LRP1: variants seen among roughly 807,000 people sequenced by gnomAD.
LRP1 encodes LDL receptor related protein 1, also known as prolow-density lipoprotein receptor-related protein 1.
In LRP1, 51 loss-of-function variants were observed where a neutral mutation model predicts 541.5. That is an observed-to-expected ratio of 0.09 (90% CI 0.08 to 0.12). The LOEUF is 0.12. Among genes scored for constraint, LRP1 ranks in the 10% least tolerant of loss-of-function variants. The probability of loss-of-function intolerance (pLI) is 1.00; values close to 1 mark genes in which losing one functional copy is unlikely to be tolerated. For missense variants in LRP1, 3,878 were observed against 6,376.2 expected, an observed-to-expected ratio of 0.61 and a Z score of 13.34; for synonymous variants, 2,219 against 2,470.8, an observed-to-expected ratio of 0.90 and a Z score of 3.02.
In LRP1 at chr12:57,183,847, G is replaced by A. The variant is rs200890734; in HGVS notation, c.5867G>A (p.Arg1956His). The A allele has an allele frequency of 1.4e-4, 220 of 1,614,050 alleles. 1 individual carries two copies. The highest frequency in any genetic ancestry group is 1.3e-4 in the Non-Finnish European group (149 of 1,180,048). The change falls in exon 36 of 89, where the codon CGT becomes CAT. Residue 1956 changes from arginine to histidine, a missense_variant. Arg to His is a conservative substitution (Grantham distance 29). Around this residue, in one of 13 missense-constraint regions of LRP1, gnomAD observed 394 missense variants for 635.9 expected, o/e 0.62. Transcript: ENST00000243077. The surrounding 1 kb of genome is among the most constrained non-coding windows in gnomAD (Gnocchi z 6.1). The stretch of plus-strand genomic sequence containing the variant: ...CGGGCCAAGCGGGACCAGACGTGGC[G>A]TGAAGACGTGGTGACCAATGGCATT... ...ISRAKRDQTWREDVVTNGIGR... is the reference protein window; with the variant it reads ...ISRAKRDQTWHEDVVTNGIGR...
In LRP1 at chr12:57,204,620, G is replaced by A. The variant is rs765469810; in HGVS notation, c.11072-7G>A. The stretch of plus-strand genomic sequence containing the variant: ...ATTCTGGCTCTGTGTCCCCCTGGCT[G>A]CTGCAGCCCGGTTCGTGTGCCCTCC... On this transcript the variant is annotated splice_region_variant and splice_polypyrimidine_tract_variant and intron_variant, in intron 71 of 88. Coordinates refer to ENST00000243077, the MANE Select transcript of LRP1 (RefSeq NM_002332.3). This position sits in a 1 kb window ranked among gnomAD's most constrained non-coding sequence, Gnocchi z 5.3. 2.1e-5 allele frequency: 34 copies of A among 1,613,636 alleles called. No homozygotes were observed. The highest frequency in any genetic ancestry group is 2.9e-5 in the Non-Finnish European group (34 of 1,179,800).
In LRP1 at chr12:57,199,421, A is replaced by G. The variant is rs1800158; in HGVS notation, c.9865+21A>G. 55,173 of 1,600,766 alleles carry G rather than the reference A, an allele frequency of 0.034. 1,837 individuals carry two copies. Among genetic ancestry groups the G allele is most frequent in the East Asian group, 0.2 (8,967 of 44,632 alleles). On this transcript the variant is annotated intron_variant, in intron 61 of 88. Transcript: ENST00000243077. ...AGACGGTGAGCAGGCAAGGGGTGGG[A>G]GCAGGCGAACGGTGAGCCAGGCACC...
At chr12:57,142,859 A>G (rs978123536) in intron 3 of LRP1, among the ~76,000 whole-genome samples, 1 of 151,384 alleles carries the variant, frequency 6.6e-6, no homozygotes, top group Non-Finnish European at 1.5e-5. Context: ...CCCCATCCCA[A>G]CTCTTCCTGG....
chr12:57,191,298 G>C (rs775693327), intron 43 of LRP1, 22 bp from the exon 44 acceptor site: 2 of 1,579,044 alleles, frequency 1.3e-6, no homozygotes, highest in African/African-American at 2.7e-5. Flanking sequence ...ATGCTGTGAC[G>C]GTGATGGTGC....
intron 20 of LRP1, among the ~76,000 whole-genome samples, chr12:57,170,558 A>G (rs1484397335): frequency 6.6e-6 from 1 of 152,034 alleles, no homozygotes; most frequent in Non-Finnish European, 1.5e-5. Context: ...GTTGACTCAC[A>G]CCTGTAATCC....
intron 6 of LRP1, among the ~76,000 whole-genome samples, chr12:57,151,772 T>C (rs2035530439): frequency 6.6e-6 from 1 of 152,202 alleles, no homozygotes; most frequent in Non-Finnish European, 1.5e-5. Context: ...TATGTGTGTG[T>C]GTGTGATTGT....
chr12:57,145,609 G>C lies in LRP1; in HGVS notation c.841+119G>C, dbSNP rs1011752890. Reference sequence around the variant, plus strand: ...GATGGTCCTGTCTGGGGCAGGAGAAGCAGGAGGCTGGATACAATGGTGTGT... The same window carrying C: ...GATGGTCCTGTCTGGGGCAGGAGAACCAGGAGGCTGGATACAATGGTGTGT... On this transcript the variant is annotated intron_variant, in intron 6 of 88. Transcript: ENST00000243077. The C allele has an allele frequency of 2.0e-5, 26 of 1,300,790 alleles. 1 individual carries two copies. Among genetic ancestry groups the C allele is most frequent in the Admixed American group, 5.6e-5 (3 of 53,196 alleles). 80.6% of individuals were successfully genotyped at this position (1,300,790 alleles called of 1,614,324 possible).
At chr12:57,169,376 T>A in intron 20 of LRP1, 69 bp downstream of exon 20, 2 of 1,447,654 alleles carry the variant, frequency 1.4e-6, no homozygotes, top group African/African-American at 2.8e-5. Context: ...AGCCTATCCA[T>A]CTGTCTTTCA....
chr12:57,180,296 C>G (rs1335860011), intron 31 of LRP1, 34 bp from the exon 32 acceptor site: 1 of 1,611,048 alleles, frequency 6.2e-7, no homozygotes, highest in African/African-American at 1.3e-5. Context: ...CAGCCCTGGG[C>G]CAGACTCCCC....
At chr12:57,190,507 T>G (rs2036355895) in intron 42 of LRP1, among the ~76,000 whole-genome samples, 2 of 152,232 alleles carry the variant, frequency 1.3e-5, no homozygotes. Flanking sequence ...CCCCAGGGCC[T>G]GTCTCACTTG....
At chr12:57,172,775 G>A (rs185940979) in intron 20 of LRP1, among the ~76,000 whole-genome samples, 4 of 152,218 alleles carry the variant, frequency 2.6e-5, no homozygotes, top group Non-Finnish European at 2.9e-5. Flanking sequence ...CTCCATGAGG[G>A]TAGGGACTTT....
In LRP1 at chr12:57,208,232, G is replaced by C. The variant is rs747375184; in HGVS notation, c.12038+16G>C. On this transcript the variant is annotated intron_variant, in intron 77 of 88. Coordinates refer to ENST00000243077, the MANE Select transcript of LRP1 (RefSeq NM_002332.3). ...CACTGAGGGGGTGGGCAAGGGCCCT[G>C]GGGGGAGGCCTCTGGGCTGGTGGTA... 4 of 1,609,570 alleles carry C rather than the reference G, an allele frequency of 2.5e-6. No homozygotes were observed. The highest frequency in any genetic ancestry group is 2.2e-5 in the East Asian group (1 of 44,718).
chr12:57,186,532 G>A (rs2036273468), intron 41 of LRP1, among the ~76,000 whole-genome samples: 1 of 152,218 alleles, frequency 6.6e-6, no homozygotes, highest in African/African-American at 2.4e-5. Flanking sequence ...GCCAGGCACC[G>A]AACTAGGTGC....
chr12:57,194,364 C>A lies in LRP1; in HGVS notation c.7929C>A (p.Asp2643Glu). The A allele has an allele frequency of 6.6e-7, 1 of 1,511,506 alleles. No individual in the cohort carries two copies. The highest frequency in any genetic ancestry group is 8.8e-7 in the Non-Finnish European group (1 of 1,131,142). The allele number at this position is 1,511,506 out of a possible 1,614,324, so 93.6% of individuals were successfully genotyped here. Residue 2643 changes from aspartate to glutamate, a missense_variant, in exon 49 of 89, where the codon GAC (aspartate) becomes GAA (glutamate). By Grantham distance (45) the Asp-to-Glu change is conservative (BLOSUM62 2). Transcript: ENST00000243077. ...CCCTGCCCCCACCAGGTGCCACCGACTGCAGCAGCTACTTCCGCCTGGGCG... is the reference window on the plus strand; with the variant it reads ...CCCTGCCCCCACCAGGTGCCACCGAATGCAGCAGCTACTTCCGCCTGGGCG... ...ASDEMNCSAT[D>E]CSSYFRLGVK...
chr12:57,132,587 G>C (rs981680411), intron 1 of LRP1, among the ~76,000 whole-genome samples: 4 of 152,192 alleles, frequency 2.6e-5, no homozygotes, highest in Admixed American at 1.3e-4. Context: ...TCTCTGGACT[G>C]AGCCCCCTTC....
rs770302518 is a variant in LRP1, at chr12:57,208,246, G to C, written c.12038+30G>C. On this transcript the variant is annotated intron_variant, in intron 77 of 88. Transcript: ENST00000243077. ...GCAAGGGCCCTGGGGGGAGGCCTCT[G>C]GGCTGGTGGTAGGAAGCCCCCGGGA... 2.5e-6 allele frequency: 4 copies of C among 1,602,922 alleles called. No homozygotes were observed. The African/African-American group carries it at 4.0e-5, about 16-fold the overall frequency.
Position 57,184,110 on chromosome 12 carries a change from C to T in LRP1, c.5955C>T (p.Gly1985=), listed in dbSNP as rs746634043. Residue 1985 remains glycine (G), a synonymous_variant, in exon 37 of 89, where the codon GGC becomes GGT. Coordinates refer to ENST00000243077, the MANE Select transcript of LRP1 (RefSeq NM_002332.3). This position sits in a 1 kb window ranked among gnomAD's most constrained non-coding sequence, Gnocchi z 7.8. The stretch of plus-strand genomic sequence containing the variant: ...GCAACATCTACTGGACAGACCAGGG[C>T]TTTGATGTCATCGAGGTCGCCCGGC... ...IAGNIYWTDQ[G]FDVIEVARLN... 2.5e-6 allele frequency: 4 copies of T among 1,614,078 alleles called. No individual in the cohort carries two copies. In the South Asian group the frequency reaches 4.4e-5, roughly 18 times the overall value.
At chr12:57,148,534 G>A (rs949545396) in intron 6 of LRP1, among the ~76,000 whole-genome samples, 1 of 151,962 alleles carries the variant, frequency 6.6e-6, no homozygotes, top group Admixed American at 6.6e-5. Flanking sequence ...GCTGCCCCTG[G>A]GCAGGCCTGG....
chr12:57,140,342 C>T (rs1346999300), intron 2 of LRP1, among the ~76,000 whole-genome samples: 1 of 152,122 alleles, frequency 6.6e-6, no homozygotes, highest in Admixed American at 6.5e-5. Context: ...TTGCAAGCCA[C>T]ATGTGCTATT....
Sources: allele counts gnomAD v4.1 joint callset (sites outside exome capture counted in the v4.1 genomes callset), GRCh38; gene constraint gnomAD v4.1.1; regional missense constraint gnomAD v4.1.1; non-coding constraint Gnocchi (gnomAD v3.1); transcripts MANE v1.5; gene names NCBI Gene and HGNC (gene_info 2026-07-23, HGNC 2026-07-21).